LARGE1: variants seen among roughly 807,000 people sequenced by gnomAD.
LARGE1 encodes LARGE xylosyl- and glucuronyltransferase 1.
A neutral mutation model predicts 87.6 loss-of-function variants in LARGE1; 43 were observed. The ratio of observed to expected loss-of-function variants is 0.49; its 90% CI spans 0.38 to 0.63. LARGE1 has a LOEUF of 0.63. Ranked by LOEUF, LARGE1 falls within the 30% of genes least tolerant of loss-of-function variation. The pLI is 0.00. For synonymous variants in LARGE1, 434 were observed against 394.6 expected, an observed-to-expected ratio of 1.10 and a Z score of -1.18; for missense variants, 802 against 1,000.2, an observed-to-expected ratio of 0.80 and a Z score of 2.67.
At chr22:33,242,670 G>GT (rs1926577162) in intron 11 of LARGE1, among the ~76,000 whole-genome samples, 1 of 152,150 alleles carries the variant, frequency 6.6e-6, no homozygotes, top group African/African-American at 2.4e-5. Context: ...GAGTTGAGCA[G>GT]TTAGTGAAAG....
At chr22:33,565,150 A>C in intron 5 of LARGE1, 131 bp from the exon 6 acceptor site, 1 of 818,500 alleles carries the variant, frequency 1.2e-6, no homozygotes, top group Non-Finnish European at 2.0e-6. Context: ...GAATAAATGA[A>C]TGAGTTTTCT....
At chr22:33,802,873 C>T (rs1212306952) in intron 1 of LARGE1, among the ~76,000 whole-genome samples, 3 of 152,024 alleles carry the variant, frequency 2.0e-5, no homozygotes, top group Non-Finnish European at 4.4e-5. Flanking sequence ...CTCAATTCAC[C>T]CCAGTACTTC....
intron 2 of LARGE1, among the ~76,000 whole-genome samples, chr22:33,654,447 C>T (rs1425053999): frequency 6.6e-6 from 1 of 152,224 alleles, no homozygotes; most frequent in African/African-American, 2.4e-5. Flanking sequence ...ATGATCCCAA[C>T]ACCGCATGAT....
intron 5 of LARGE1, among the ~76,000 whole-genome samples, chr22:33,574,030 A>G (rs2078281876): frequency 6.6e-6 from 1 of 152,196 alleles, no homozygotes; most frequent in Non-Finnish European, 1.5e-5. Flanking sequence ...TCATTCCTGC[A>G]ACATCTTATT....
At chr22:33,762,905 C>A (rs577332039) in intron 1 of LARGE1, among the ~76,000 whole-genome samples, 3 of 152,190 alleles carry the variant, frequency 2.0e-5, no homozygotes, top group African/African-American at 7.2e-5. Flanking sequence ...CCTAACAGAG[C>A]GGAACTCACC....
intron 11 of LARGE1, among the ~76,000 whole-genome samples, chr22:33,170,915 A>C (rs1164281632): frequency 6.6e-6 from 1 of 152,150 alleles, no homozygotes; most frequent in East Asian, 1.9e-4. Flanking sequence ...AGAAGACAGG[A>C]AGATGTGGGA....
rs572497060 is a variant in LARGE1, at chr22:33,671,282, A to G, written c.107-20614T>C. On this transcript the variant is annotated intron_variant, in intron 2 of 14. Coordinates refer to ENST00000397394, the MANE Select transcript of LARGE1 (RefSeq NM_133642.5). ...CCAGAATGGCTACATTTCACCATCT[A>G]TCATGCAGATACCACACTGCTGAGT... Among the ~76,000 whole-genome samples, 104 of 152,344 alleles carry G rather than the reference A, an allele frequency of 6.8e-4. 1 individual carries two copies. The highest frequency in any genetic ancestry group is 2.3e-3 in the African/African-American group (96 of 41,576).
the LARGE1 span, among the ~76,000 whole-genome samples, chr22:33,089,591 G>T: frequency 6.6e-6 from 1 of 151,612 alleles, no homozygotes; most frequent in Non-Finnish European, 1.5e-5. Context: ...TTGAACTCCT[G>T]GGCTCAAGGG....
intron 2 of LARGE1, among the ~76,000 whole-genome samples, chr22:33,730,129 C>A (rs1276502935): frequency 3.3e-5 from 5 of 152,082 alleles, no homozygotes; most frequent in Admixed American, 6.5e-5. Context: ...CCTGAGACAG[C>A]AAGACCAATC....
chr22:33,262,137 T>C (rs149936674), intron 11 of LARGE1, among the ~76,000 whole-genome samples: 3 of 152,322 alleles, frequency 2.0e-5, no homozygotes, highest in African/African-American at 7.2e-5. Flanking sequence ...CTTCCTTTTT[T>C]ATAGGTGAGC....
intron 11 of LARGE1, among the ~76,000 whole-genome samples, chr22:33,248,810 A>C (rs1472558862): frequency 6.6e-6 from 1 of 152,204 alleles, no homozygotes; most frequent in African/African-American, 2.4e-5. Flanking sequence ...TACAGTGCAC[A>C]GGCTTTTCAG....
intron 2 of LARGE1, chr22:33,725,835 A>G (rs1196549999): frequency 1.3e-5 from 2 of 152,184 alleles, no homozygotes; most frequent in East Asian, 3.9e-4. Context: ...TTTTAAAACA[A>G]TATTTAATAA....
At chr22:33,536,453 A>C (rs1198390254) in intron 6 of LARGE1, among the ~76,000 whole-genome samples, 1 of 152,224 alleles carries the variant, frequency 6.6e-6, no homozygotes, top group Non-Finnish European at 1.5e-5. Context: ...TAACGTGCTG[A>C]GCACCCTGCT....
intron 11 of LARGE1, among the ~76,000 whole-genome samples, chr22:33,174,073 T>C (rs1264034488): frequency 2.0e-5 from 3 of 152,160 alleles, no homozygotes; most frequent in African/African-American, 4.8e-5. Context: ...TATTCTAAAA[T>C]TGACCACATA....
rs1217376084 is a variant in LARGE1 at position 33,607,461 on chromosome 22, C to CAAA, written c.492-2906_492-2904dup. On this transcript the variant is annotated intron_variant, in intron 4 of 14. Coordinates refer to ENST00000397394, the MANE Select transcript of LARGE1 (RefSeq NM_133642.5). ...GGGCAACAAGAGCAAAACTGCATCT[C>CAAA]AAAAAAAAAAAAAAAAAAAAAAAGT... Among the ~76,000 whole-genome samples, 510 of 57,546 alleles carry CAAA rather than the reference C, an allele frequency of 8.9e-3. 36 individuals carry two copies. The highest frequency in any genetic ancestry group is 0.028 in the African/African-American group (405 of 14,246). 37.8% of individuals were successfully genotyped at this position (57,546 alleles called of 152,430 possible).
chr22:33,569,495 G>T lies in LARGE1; in HGVS notation c.616-4476C>A, dbSNP rs951490953. Reference sequence around the variant, plus strand: ...TCAATTAGTTGTAAAGGAGGCAATGGGATGAGTTTGTATTCAGAAAGAAAG... The same window carrying T: ...TCAATTAGTTGTAAAGGAGGCAATGTGATGAGTTTGTATTCAGAAAGAAAG... On this transcript the variant is annotated intron_variant, in intron 5 of 14. Coordinates refer to ENST00000397394, the MANE Select transcript of LARGE1 (RefSeq NM_133642.5). 7.2e-5 allele frequency among the ~76,000 whole-genome samples: 11 copies of T among 152,308 alleles called. No homozygotes were observed. The East Asian group carries it at 1.5e-3, about 21-fold the overall frequency.
At chr22:33,902,568 C>T (rs2065313792) in intron 1 of LARGE1, among the ~76,000 whole-genome samples, 1 of 152,214 alleles carries the variant, frequency 6.6e-6, no homozygotes, top group African/African-American at 2.4e-5. Context: ...CTTCTCTCTA[C>T]TCCTATTAAA....
intron 2 of LARGE1, among the ~76,000 whole-genome samples, chr22:33,651,330 T>C (rs1256937327): frequency 1.5e-5 from 2 of 134,914 alleles, no homozygotes; most frequent in African/African-American, 2.9e-5. Flanking sequence ...AGGCGGAGCT[T>C]GCAGTGAGCC....
chr22:33,528,911 G>A (rs1281388412), intron 6 of LARGE1, among the ~76,000 whole-genome samples: 4 of 151,958 alleles, frequency 2.6e-5, no homozygotes, highest in Non-Finnish European at 4.4e-5. Context: ...TATACGCCAG[G>A]CATTGTTCTA....
Sources: allele counts gnomAD v4.1 joint callset (sites outside exome capture counted in the v4.1 genomes callset), GRCh38; gene constraint gnomAD v4.1.1; transcripts MANE v1.5; gene names NCBI Gene and HGNC (gene_info 2026-07-23, HGNC 2026-07-21).